The following TAF4B variants were observed in gnomAD, a reference collection of about 807,000 sequenced individuals.
TAF4B encodes the protein TATA-box binding protein associated factor 4b.
TAF4B carries 38 observed loss-of-function variants against 86.4 expected under a neutral mutation model. The observed-to-expected ratio is 0.44, with a 90% CI of 0.34 to 0.58. The LOEUF (loss-of-function observed/expected upper bound fraction) is 0.58. Ranked by LOEUF, TAF4B falls within the 20% of genes least tolerant of loss-of-function variation. The pLI is 0.02. For missense variants in TAF4B, 988 were observed against 1,027.6 expected, an observed-to-expected ratio of 0.96 and a Z score of 0.53; for synonymous variants, 388 against 391.2, an observed-to-expected ratio of 0.99 and a Z score of 0.10.
At chr18:26,383,348 G>A (rs1978302029) in intron 14 of TAF4B, among the ~76,000 whole-genome samples, 1 of 152,210 alleles carries the variant, frequency 6.6e-6, no homozygotes, top group South Asian at 2.1e-4. Context: ...GATAATGGAA[G>A]TGAAAATGTA....
At chr18:26,309,341 C>G (rs1376418664) in intron 9 of TAF4B, among the ~76,000 whole-genome samples, 1 of 134,730 alleles carries the variant, frequency 7.4e-6, no homozygotes, top group Non-Finnish European at 1.5e-5. Context: ...ATATCTATTA[C>G]CATGACTTTG....
intron 5 of TAF4B, among the ~76,000 whole-genome samples, chr18:26,278,299 AT>A (rs201554228): frequency 1.3e-5 from 2 of 151,010 alleles, no homozygotes; most frequent in Non-Finnish European, 1.5e-5. Flanking sequence ...AATTGGGTCT[AT>A]TTTTTTTTAT....
chr18:26,272,958 T>C lies in TAF4B; in HGVS notation c.598-1705T>C, dbSNP rs142506281. 5.2e-3 allele frequency among the ~76,000 whole-genome samples: 789 copies of C among 152,298 alleles called. 4 individuals carry two copies. The highest frequency in any genetic ancestry group is 8.2e-3 in the Non-Finnish European group (555 of 68,024). ...ATTTTATCTCTTTTGTTAAAAACTTTATTGTTCTAGTCCTCATCATTAATC... is the reference window on the plus strand; with the variant it reads ...ATTTTATCTCTTTTGTTAAAAACTTCATTGTTCTAGTCCTCATCATTAATC... On this transcript the variant is annotated intron_variant, in intron 3 of 14. Coordinates refer to ENST00000269142, the MANE Select transcript of TAF4B (RefSeq NM_005640.3).
chr18:26,344,870 A>G (rs1386617317), intron 13 of TAF4B, among the ~76,000 whole-genome samples: 1 of 152,166 alleles, frequency 6.6e-6, no homozygotes, highest in Non-Finnish European at 1.5e-5. Context: ...GGAGGGCAGC[A>G]TGAGGGTATC....
chr18:26,285,647 A>G (rs1344680756), intron 6 of TAF4B, among the ~76,000 whole-genome samples: 1 of 152,230 alleles, frequency 6.6e-6, no homozygotes, highest in East Asian at 1.9e-4. Flanking sequence ...GGGAATACAA[A>G]TAAGTTTAAT....
At chr18:26,246,308 A>G (rs2055923268) in intron 1 of TAF4B, among the ~76,000 whole-genome samples, 1 of 152,202 alleles carries the variant, frequency 6.6e-6, no homozygotes, top group Non-Finnish European at 1.5e-5. Context: ...GTAGTAAACT[A>G]GGTATATGAT....
intron 3 of TAF4B, among the ~76,000 whole-genome samples, chr18:26,271,279 C>T (rs1000301248): frequency 3.1e-4 from 47 of 152,298 alleles, no homozygotes; most frequent in Admixed American, 2.3e-3. Flanking sequence ...ATCTTGTGTT[C>T]ACTTTTACCT....
At chr18:26,321,966 C>T in intron 11 of TAF4B, among the ~76,000 whole-genome samples, 1 of 151,990 alleles carries the variant, frequency 6.6e-6, no homozygotes. Flanking sequence ...AACCAAATGA[C>T]TTGCTGTTAT....
chr18:26,237,955 A>T (rs4800251), intron 1 of TAF4B, among the ~76,000 whole-genome samples: 4 of 151,902 alleles, frequency 2.6e-5, no homozygotes, highest in Admixed American at 1.3e-4. Context: ...GTGGTTTTTT[A>T]CCCCTGCCGA....
chr18:26,255,911 A>G, intron 1 of TAF4B: 1 of 1,236,892 alleles, frequency 8.1e-7, no homozygotes, highest in Non-Finnish European at 1.2e-6. Context: ...TAGAACCAGA[A>G]GCCATCTCTG....
intron 7 of TAF4B, among the ~76,000 whole-genome samples, chr18:26,290,303 C>T (rs1183617154): frequency 6.6e-6 from 1 of 151,992 alleles, no homozygotes; most frequent in East Asian, 1.9e-4. Context: ...TCATGCCTGG[C>T]TAATTAAAAA....
chr18:26,235,242 A>G (rs2055731551), intron 1 of TAF4B, among the ~76,000 whole-genome samples: 1 of 152,072 alleles, frequency 6.6e-6, no homozygotes, highest in African/African-American at 2.4e-5. Context: ...TGATTAGCAT[A>G]TAGAGTGGCC....
intron 9 of TAF4B, among the ~76,000 whole-genome samples, chr18:26,296,451 C>CT (rs112528302): frequency 0.081 from 11,827 of 146,814 alleles, 570 homozygotes; most frequent in Non-Finnish European, 0.11. Context: ...TTTTCCATCT[C>CT]TTTTTGCCTG....
intron 1 of TAF4B, among the ~76,000 whole-genome samples, chr18:26,229,445 TAAAAAGGTTA>T (rs2144412695): frequency 6.6e-6 from 1 of 152,088 alleles, no homozygotes; most frequent in East Asian, 1.9e-4. Flanking sequence ...AGTAACTTTT[TAAAAAGGTTA>T]TGAATCTTAT....
chr18:26,274,732 A>G lies in TAF4B; in HGVS notation c.667A>G (p.Lys223Glu). 1 of 1,614,204 alleles carries G rather than the reference A, an allele frequency of 6.2e-7. No individual in the cohort carries two copies. Among genetic ancestry groups the G allele is most frequent in the Non-Finnish European group, 8.5e-7 (1 of 1,180,028 alleles). Residue 223 changes from lysine (K) to glutamate (E), a missense_variant, in exon 4 of 15, where the codon AAG becomes GAG. Lys to Glu is a moderately conservative substitution (Grantham distance 56). Transcript: ENST00000269142. ...GKPLNTVTTL[K>E]PSSLGASSTP... The stretch of plus-strand genomic sequence containing the variant: ...GCCATTGAATACTGTAACTACCCTG[A>G]AGCCTTCAAGTTTGGGAGCATCATC...
Position 26,246,044 on chromosome 18 carries a change from G to A in TAF4B, c.343+18768G>A, listed in dbSNP as rs181295690. 1.9e-3 allele frequency among the ~76,000 whole-genome samples: 287 copies of A among 152,062 alleles called. 1 individual carries two copies. The highest frequency in any genetic ancestry group is 6.5e-3 in the African/African-American group (269 of 41,476). On this transcript the variant is annotated intron_variant, in intron 1 of 14. Transcript: ENST00000269142. ...TGGTTCAAATGGTAATATTTCAATC[G>A]GCATTGCTAAATTTTACTCCCCAAA...
intron 1 of TAF4B, among the ~76,000 whole-genome samples, chr18:26,257,840 T>TGC (rs1427862299): frequency 1.8e-5 from 2 of 110,968 alleles, no homozygotes; most frequent in South Asian, 6.2e-4. Flanking sequence ...TTCCTCTGCG[T>TGC]GCGTGTGTGT....
chr18:26,319,675 C>T (rs932314924), intron 10 of TAF4B, among the ~76,000 whole-genome samples: 8 of 152,024 alleles, frequency 5.3e-5, no homozygotes, highest in South Asian at 2.1e-4. Context: ...CTGCAATTTC[C>T]GCCTCCCAGG....
chr18:26,273,734 A>G (rs956955993), intron 3 of TAF4B, among the ~76,000 whole-genome samples: 1 of 152,138 alleles, frequency 6.6e-6, no homozygotes, highest in Non-Finnish European at 1.5e-5. Flanking sequence ...CTTGTCTAGT[A>G]CATATTCCAG....
Sources: allele counts gnomAD v4.1 joint callset (sites outside exome capture counted in the v4.1 genomes callset), GRCh38; gene constraint gnomAD v4.1.1; transcripts MANE v1.5; gene names NCBI Gene and HGNC (gene_info 2026-07-23, HGNC 2026-07-21).